The following CNTNAP2 variants were observed in gnomAD, a reference collection of about 807,000 sequenced individuals.
The protein encoded by CNTNAP2 is contactin-associated protein-like 2.
A neutral mutation model predicts 155.2 loss-of-function variants in CNTNAP2; 98 were observed. The ratio of observed to expected loss-of-function variants is 0.63; its 90% CI spans 0.54 to 0.75. The LOEUF is 0.75. Among genes scored for constraint, CNTNAP2 ranks in the 30% least tolerant of loss-of-function variants. The pLI is 0.00. For missense variants in CNTNAP2, 1,727 were observed against 1,688.1 expected, an observed-to-expected ratio of 1.02 and a Z score of -0.40; for synonymous variants, 651 against 631.2, an observed-to-expected ratio of 1.03 and a Z score of -0.47.
At chr7:147,588,067 AAGC>A in intron 12 of CNTNAP2, among the ~76,000 whole-genome samples, 1 of 152,268 alleles carries the variant, frequency 6.6e-6, no homozygotes, top group East Asian at 1.9e-4. Flanking sequence ...AATGTAGAAA[AAGC>A]AGGTTACTCA....
At chr7:147,012,955 T>C (rs895817275) in intron 3 of CNTNAP2, among the ~76,000 whole-genome samples, 1 of 152,024 alleles carries the variant, frequency 6.6e-6, no homozygotes, top group Non-Finnish European at 1.5e-5. Flanking sequence ...ATCTCCAAGT[T>C]GACAACTCTT....
intron 12 of CNTNAP2, among the ~76,000 whole-genome samples, chr7:147,616,978 G>A (rs760437868): frequency 2.0e-5 from 3 of 152,050 alleles, no homozygotes; most frequent in Non-Finnish European, 4.4e-5. Context: ...GCCTACGATC[G>A]TGTGCTAGAC....
intron 11 of CNTNAP2, among the ~76,000 whole-genome samples, chr7:147,542,455 C>G (rs1429884380): frequency 6.6e-6 from 1 of 152,170 alleles, no homozygotes; most frequent in Admixed American, 6.5e-5. Flanking sequence ...TACTAAATCT[C>G]CCTGAGACTT....
rs533875728 is a variant in CNTNAP2, at chr7:147,307,597, C to G, written c.1498+7307C>G. On this transcript the variant is annotated intron_variant, in intron 9 of 23. Coordinates refer to ENST00000361727, the MANE Select transcript of CNTNAP2 (RefSeq NM_014141.6). ...AAACTCCATACCCCACCTGCCCCCC[C>G]AAAAAAGGAAATGCCATCAATTAAA... 3.3e-5 allele frequency among the ~76,000 whole-genome samples: 5 copies of G among 151,710 alleles called. No homozygotes were observed. The East Asian group carries it at 5.8e-4, about 18-fold the overall frequency.
rs532967611 is a variant in CNTNAP2, at chr7:147,542,128, G to A, written c.1778-20010G>A. Among the ~76,000 whole-genome samples the A allele has an allele frequency of 4.6e-5, 7 of 152,090 alleles. No homozygotes were observed. In the East Asian group the frequency reaches 9.7e-4, roughly 21 times the overall value. On this transcript the variant is annotated intron_variant, in intron 11 of 23. Transcript: ENST00000361727. ...GCATTGATGTCTAATTAGAGTTGCCGGACACAGTGGCTACAGTCCAATGCT... is the reference window on the plus strand; with the variant it reads ...GCATTGATGTCTAATTAGAGTTGCCAGACACAGTGGCTACAGTCCAATGCT...
At chr7:147,306,401 AT>A (rs1411165540) in intron 9 of CNTNAP2, among the ~76,000 whole-genome samples, 3 of 152,170 alleles carry the variant, frequency 2.0e-5, no homozygotes, top group African/African-American at 7.2e-5. Flanking sequence ...GGTCATAAGA[AT>A]TTGATGGTCA....
intron 17 of CNTNAP2, among the ~76,000 whole-genome samples, chr7:148,153,874 A>T (rs1215790811): frequency 6.6e-6 from 1 of 152,212 alleles, no homozygotes; most frequent in African/African-American, 2.4e-5. Context: ...GAGCTAGGAC[A>T]GGGTTAGCAT....
rs553691990 is a variant in CNTNAP2, at chr7:146,917,588, G to A, written c.402+77684G>A. 2.0e-5 allele frequency among the ~76,000 whole-genome samples: 3 copies of A among 152,184 alleles called. No homozygotes were observed. The South Asian group carries it at 6.2e-4, about 32-fold the overall frequency. On this transcript the variant is annotated intron_variant, in intron 3 of 23. Transcript: ENST00000361727. ...CTTCTTTGTCTTTTGATATGGTTTG[G>A]CTGTGCCCCCACCCACATCTCATCT...
chr7:147,443,046 C>G (rs964242579), intron 10 of CNTNAP2, among the ~76,000 whole-genome samples: 1 of 152,124 alleles, frequency 6.6e-6, no homozygotes, highest in Admixed American at 6.5e-5. Flanking sequence ...CCCACCCTCA[C>G]CCCCAGTCAG....
intron 13 of CNTNAP2, among the ~76,000 whole-genome samples, chr7:147,711,456 T>C (rs973365083): frequency 6.6e-6 from 1 of 152,178 alleles, no homozygotes; most frequent in Non-Finnish European, 1.5e-5. Flanking sequence ...ATGACCTTCC[T>C]TCAATGGCTT....
At chr7:146,687,240 C>T (rs1334886391) in intron 1 of CNTNAP2, among the ~76,000 whole-genome samples, 2 of 152,092 alleles carry the variant, frequency 1.3e-5, no homozygotes, top group Non-Finnish European at 2.9e-5. Context: ...AAAGTCTAGG[C>T]CCTGTGGTTA....
At chr7:147,896,762 A>G (rs1357249877) in intron 13 of CNTNAP2, among the ~76,000 whole-genome samples, 2 of 152,204 alleles carry the variant, frequency 1.3e-5, no homozygotes, top group East Asian at 3.9e-4. Context: ...ACTCTTAACT[A>G]TAATTTCTAA....
rs763802349 is a variant in CNTNAP2 at position 146,585,467 on chromosome 7, A to G, written c.98-188804A>G. Among the ~76,000 whole-genome samples, 105 of 152,216 alleles carry G rather than the reference A, an allele frequency of 6.9e-4. 1 individual carries two copies. The highest frequency in any genetic ancestry group is 1.5e-3 in the Non-Finnish European group (100 of 68,022). Reference sequence around the variant, plus strand: ...CTATCATTCCCATTTTCAGCACCCGAGCCTTAAATAAGGTAATGGAATAAA... The same window carrying G: ...CTATCATTCCCATTTTCAGCACCCGGGCCTTAAATAAGGTAATGGAATAAA... On this transcript the variant is annotated intron_variant, in intron 1 of 23. Transcript: ENST00000361727.
intron 13 of CNTNAP2, among the ~76,000 whole-genome samples, chr7:147,715,745 T>C (rs550165111): frequency 6.6e-6 from 1 of 152,132 alleles, no homozygotes; most frequent in Non-Finnish European, 1.5e-5. Flanking sequence ...TGATTTTTGG[T>C]GTTAAGTCTA....
chr7:146,580,475 A>C (rs1798595284), intron 1 of CNTNAP2, among the ~76,000 whole-genome samples: 1 of 135,048 alleles, frequency 7.4e-6, no homozygotes, highest in Non-Finnish European at 1.7e-5. Flanking sequence ...CCCCAATTAA[A>C]AAAAAAAAAA....
chr7:148,184,405 C>T (rs535748862), intron 18 of CNTNAP2, among the ~76,000 whole-genome samples: 3 of 152,212 alleles, frequency 2.0e-5, no homozygotes, highest in Middle Eastern at 3.4e-3. Flanking sequence ...GAAGTTTAGA[C>T]CTTAACTAAT....
chr7:146,510,906 T>G (rs2129135238), intron 1 of CNTNAP2, among the ~76,000 whole-genome samples: 1 of 152,252 alleles, frequency 6.6e-6, no homozygotes, highest in Admixed American at 6.5e-5. Context: ...TTCTTTTTTC[T>G]TTGTTTTTGA....
rs562831395 is a variant in CNTNAP2, at chr7:147,878,626, C to T, written c.2099-24939C>T. Among the ~76,000 whole-genome samples, 8 of 151,980 alleles carry T rather than the reference C, an allele frequency of 5.3e-5. No individual in the cohort carries two copies. In the South Asian group the frequency reaches 1.2e-3, roughly 24 times the overall value. ...CTAGTTTAATAAATTATACTTGGCC[C>T]GTTATTGTTACTCCCTAATCTTTCT... On this transcript the variant is annotated intron_variant, in intron 13 of 23. Transcript: ENST00000361727.
At chr7:147,747,454 T>C (rs1372299315) in intron 13 of CNTNAP2, among the ~76,000 whole-genome samples, 1 of 152,208 alleles carries the variant, frequency 6.6e-6, no homozygotes, top group Non-Finnish European at 1.5e-5. Context: ...TGAGTAATAT[T>C]CTCTTGCATA....
Sources: gnomAD v4.1 joint callset for allele counts (sites outside exome capture counted in the v4.1 genomes callset) on GRCh38, gnomAD v4.1.1 for gene constraint, MANE v1.5 for transcripts, NCBI Gene and HGNC (gene_info 2026-07-23, HGNC 2026-07-21) for gene names.